The following WDR25 variants were observed in gnomAD, a reference collection of about 807,000 sequenced individuals.
The protein encoded by WDR25 is WD repeat domain 25.
WDR25 carries 35 observed loss-of-function variants against 47.7 expected under a neutral mutation model. That is an observed-to-expected ratio of 0.73 (90% CI 0.56 to 0.97). The LOEUF is 0.97. Ranked by LOEUF, WDR25 falls within the 50% of genes least tolerant of loss-of-function variation. WDR25 has a pLI of 0.00. For missense variants in WDR25, 634 were observed against 704.7 expected (o/e 0.90, Z 1.14); for synonymous variants, 248 against 278.9 (o/e 0.89, Z 1.10).
intron 2 of WDR25, among the ~76,000 whole-genome samples, chr14:100,423,664 T>G (rs893926289): frequency 1.3e-5 from 2 of 152,214 alleles, no homozygotes; most frequent in Non-Finnish European, 2.9e-5. Context: ...TACTTTTAAT[T>G]TAATCTGGTT....
rs896403343 is a variant in WDR25, at chr14:100,484,005, T to G, written c.982T>G (p.Phe328Val). The G allele has an allele frequency of 1.2e-6, 2 of 1,611,942 alleles. No individual in the cohort carries two copies. Among genetic ancestry groups the G allele is most frequent in the African/African-American group, 2.7e-5 (2 of 74,768 alleles). Residue 328 changes from phenylalanine (F) to valine (V), a missense_variant, in exon 4 of 7, where the codon TTT becomes GTT. Physicochemically the swap from Phe to Val is conservative, Grantham distance 50 (BLOSUM62 -1). Coordinates refer to ENST00000402312, the MANE Select transcript of WDR25 (RefSeq NM_001161476.3). ...LTDLETGTQL[F>V]SGRSDFRITT... ...TTTTTGTGTTGTAGGAACCCAGCTA[T>G]TTAGTGGTCGAAGTGACTTTAGAAT...
rs534094448 is a variant in WDR25 at position 100,460,257 on chromosome 14, C to T, written c.823-7764C>T. On this transcript the variant is annotated intron_variant, in intron 2 of 6. Transcript: ENST00000402312. Reference sequence around the variant, plus strand: ...CCTCCTGAGTAACTGGGACTACAGGCGCCCGCCACCACGCCCTGCTAATTT... The same window carrying T: ...CCTCCTGAGTAACTGGGACTACAGGTGCCCGCCACCACGCCCTGCTAATTT... Among the ~76,000 whole-genome samples the T allele has an allele frequency of 1.1e-4, 16 of 151,816 alleles. 1 individual carries two copies. Among genetic ancestry groups the T allele is most frequent in the African/African-American group, 3.4e-4 (14 of 41,416 alleles).
intron 2 of WDR25, among the ~76,000 whole-genome samples, chr14:100,397,681 T>C (rs1897289465): frequency 6.6e-6 from 1 of 152,162 alleles, no homozygotes; most frequent in South Asian, 2.1e-4. Flanking sequence ...TAGCCATTGC[T>C]CAGCAGCAAA....
chr14:100,437,631 G>T (rs1402458089), intron 2 of WDR25, among the ~76,000 whole-genome samples: 1 of 152,090 alleles, frequency 6.6e-6, no homozygotes, highest in African/African-American at 2.4e-5. Flanking sequence ...GGCATTGGTT[G>T]CCATTATTAT....
Position 100,440,443 on chromosome 14 carries a change from G to T in WDR25, c.823-27578G>T, listed in dbSNP as rs1361686377. Among the ~76,000 whole-genome samples the T allele has an allele frequency of 6.6e-6, 1 of 152,232 alleles. No individual in the cohort carries two copies. The highest frequency in any genetic ancestry group is 1.5e-5 in the Non-Finnish European group (1 of 68,046). On this transcript the variant is annotated intron_variant, in intron 2 of 6. Coordinates refer to ENST00000402312, the MANE Select transcript of WDR25 (RefSeq NM_001161476.3). The surrounding 1 kb of genome is among the most constrained non-coding windows in gnomAD (Gnocchi z 4.4). Reference sequence around the variant, plus strand: ...TGTTCTGAGCGGCTGTTTACAGGCGGATAGAAAGGGCTGTAGGATGGGACC... The same window carrying T: ...TGTTCTGAGCGGCTGTTTACAGGCGTATAGAAAGGGCTGTAGGATGGGACC...
chr14:100,427,905 G>C (rs1898215710), intron 2 of WDR25, among the ~76,000 whole-genome samples: 1 of 152,222 alleles, frequency 6.6e-6, no homozygotes. Context: ...CACCCCTGCT[G>C]TTTCTCCTGG....
At chr14:100,412,538 G>T (rs145624440) in intron 2 of WDR25, among the ~76,000 whole-genome samples, 2 of 152,288 alleles carry the variant, frequency 1.3e-5, no homozygotes, top group East Asian at 3.9e-4. Context: ...GTATGCATGT[G>T]CGTCTACGTT....
chr14:100,402,909 A>G (rs59113698), intron 2 of WDR25, among the ~76,000 whole-genome samples: 33,645 of 152,094 alleles, frequency 0.22, 3,951 homozygotes, highest in Middle Eastern at 0.24. Flanking sequence ...GCCAGCACTT[A>G]GGGAGATCTG....
At chr14:100,524,531 A>G (rs1375803765) in intron 4 of WDR25, among the ~76,000 whole-genome samples, 1 of 152,212 alleles carries the variant, frequency 6.6e-6, no homozygotes, top group African/African-American at 2.4e-5. Context: ...CCTGTTCTGC[A>G]TTCAGAAGGC....
At chr14:100,524,541 CT>C (rs201278733) in intron 4 of WDR25, among the ~76,000 whole-genome samples, 3 of 151,522 alleles carry the variant, frequency 2.0e-5, no homozygotes, top group Admixed American at 6.6e-5. Flanking sequence ...ATTCAGAAGG[CT>C]TTTTTTTTCC....
At chr14:100,396,105 G>T (rs939600522) in intron 2 of WDR25, among the ~76,000 whole-genome samples, 2 of 151,542 alleles carry the variant, frequency 1.3e-5, no homozygotes, top group African/African-American at 4.9e-5. Context: ...GCCTCCCGAG[G>T]AGCTGGGACT....
intron 4 of WDR25, among the ~76,000 whole-genome samples, chr14:100,497,541 C>A (rs1025397305): frequency 6.6e-6 from 1 of 152,182 alleles, no homozygotes; most frequent in African/African-American, 2.4e-5. Context: ...CTAGTCACTT[C>A]TCTGAGTTTC....
intron 2 of WDR25, among the ~76,000 whole-genome samples, chr14:100,408,011 C>T (rs2140184100): frequency 6.6e-6 from 1 of 152,204 alleles, no homozygotes; most frequent in East Asian, 1.9e-4. Flanking sequence ...GATGCCTGCA[C>T]ACCAGGCACT....
chr14:100,411,173 T>C (rs1392099876), intron 2 of WDR25, among the ~76,000 whole-genome samples: 1 of 152,228 alleles, frequency 6.6e-6, no homozygotes, highest in African/African-American at 2.4e-5. Flanking sequence ...AGCCATTTAA[T>C]GGTAGATCCA....
rs1900984561 is a variant in WDR25 at position 100,502,999 on chromosome 14, C to T, written c.1101+18875C>T. Among the ~76,000 whole-genome samples, 1 of 151,154 alleles carries T rather than the reference C, an allele frequency of 6.6e-6. No individual in the cohort carries two copies. ...TGTCGGTGCATGTGTGTGTGTCCATCCATGCATGTGTGTGTCCATCCATGC... is the reference window on the plus strand; with the variant it reads ...TGTCGGTGCATGTGTGTGTGTCCATTCATGCATGTGTGTGTCCATCCATGC... On this transcript the variant is annotated intron_variant, in intron 4 of 6. Coordinates refer to ENST00000402312, the MANE Select transcript of WDR25 (RefSeq NM_001161476.3). The surrounding 1 kb of genome is among the most constrained non-coding windows in gnomAD (Gnocchi z 4.5).
intron 2 of WDR25, among the ~76,000 whole-genome samples, chr14:100,391,349 G>C (rs894468348): frequency 6.6e-6 from 1 of 152,178 alleles, no homozygotes; most frequent in Non-Finnish European, 1.5e-5. Context: ...CGTGGTGCCA[G>C]GGATCGATGG....
Position 100,473,221 on chromosome 14 carries a change from T to C in WDR25, c.970+5053T>C, listed in dbSNP as rs116368520. ...CTGCCTGGCCTGTGTGGAGGTGAAA[T>C]GAGTGAGTGGATGGTAGACTCTTTG... On this transcript the variant is annotated intron_variant, in intron 3 of 6. Coordinates refer to ENST00000402312, the MANE Select transcript of WDR25 (RefSeq NM_001161476.3). 9.7e-3 allele frequency among the ~76,000 whole-genome samples: 1,472 copies of C among 152,168 alleles called. 23 individuals carry two copies. Among genetic ancestry groups the C allele is most frequent in the African/African-American group, 0.034 (1,405 of 41,520 alleles).
intron 2 of WDR25, among the ~76,000 whole-genome samples, chr14:100,463,607 T>C (rs948087035): frequency 1.3e-5 from 2 of 152,156 alleles, no homozygotes; most frequent in African/African-American, 4.8e-5. Flanking sequence ...GCGGCACAAT[T>C]TCCACAATGG....
chr14:100,428,095 C>T lies in WDR25; in HGVS notation c.823-39926C>T, dbSNP rs1229577787. On this transcript the variant is annotated intron_variant, in intron 2 of 6. Coordinates refer to ENST00000402312, the MANE Select transcript of WDR25 (RefSeq NM_001161476.3). This position sits in a 1 kb window ranked among gnomAD's most constrained non-coding sequence, Gnocchi z 4.3. Reference sequence around the variant, plus strand: ...AGCCAGGTTCCCTGCAGCAGGGCCTCATCACAGTTCCCCCTGGAGCATTCA... The same window carrying T: ...AGCCAGGTTCCCTGCAGCAGGGCCTTATCACAGTTCCCCCTGGAGCATTCA... Among the ~76,000 whole-genome samples, 1 of 152,234 alleles carries T rather than the reference C, an allele frequency of 6.6e-6. No homozygotes were observed. The highest frequency in any genetic ancestry group is 6.5e-5 in the Admixed American group (1 of 15,290).
Sources: allele counts gnomAD v4.1 joint callset (sites outside exome capture counted in the v4.1 genomes callset), GRCh38; gene constraint gnomAD v4.1.1; non-coding constraint Gnocchi (gnomAD v3.1); transcripts MANE v1.5; gene names NCBI Gene and HGNC (gene_info 2026-07-23, HGNC 2026-07-21).